The following MMP27 variants were observed in gnomAD, a reference collection of about 807,000 sequenced individuals.
MMP27 encodes matrix metalloproteinase-27.
MMP27 carries 51 observed loss-of-function variants against 48.1 expected under a neutral mutation model. That is an observed-to-expected ratio of 1.06 (90% CI 0.85 to 1.34). The LOEUF is 1.34. MMP27 is among the 40% of genes most tolerant of loss of function. The probability of loss-of-function intolerance (pLI) is 0.00; values close to 1 mark genes in which losing one functional copy is unlikely to be tolerated. For missense variants in MMP27, 698 were observed against 619.3 expected (o/e 1.13, Z -1.35); for synonymous variants, 229 against 208.9 (o/e 1.10, Z -0.83).
chr11:102,694,490 G>C (rs1860786804), intron 7 of MMP27, among the ~76,000 whole-genome samples: 1 of 152,084 alleles, frequency 6.6e-6, no homozygotes, highest in South Asian at 2.1e-4. Flanking sequence ...CTAGTAATCT[G>C]ATAAGATCAT....
intron 5 of MMP27, 35 bp from the exon 6 acceptor site, chr11:102,696,526 G>A (rs1316301926): frequency 3.1e-6 from 5 of 1,609,980 alleles, no homozygotes; most frequent in Non-Finnish European, 4.2e-6. Flanking sequence ...AATGAATTAA[G>A]AGGGCATGAA....
intron 7 of MMP27, among the ~76,000 whole-genome samples, 192 bp from the exon 8 acceptor site, chr11:102,694,257 TA>T (rs1860780760): frequency 6.6e-6 from 1 of 152,240 alleles, no homozygotes; most frequent in Non-Finnish European, 1.5e-5. Flanking sequence ...TATATACCTG[TA>T]AAAGTCAATA....
chr11:102,696,551 C>T, intron 5 of MMP27, 60 bp from the exon 6 acceptor site: 1 of 1,599,642 alleles, frequency 6.3e-7, no homozygotes, highest in Non-Finnish European at 8.5e-7. Context: ...TATGCCTACA[C>T]AAGGGTCTTA....
At chr11:102,693,759 T>C in intron 8 of MMP27, 147 bp downstream of exon 8, 1 of 610,712 alleles carries the variant, frequency 1.6e-6, no homozygotes, top group Non-Finnish European at 2.5e-6. Context: ...CACTCTAGCC[T>C]GGGAGACAGA....
At position 102,704,779 on chromosome 11, in the gene MMP27, AC is replaced by A; in HGVS notation, c.103-5del. 6.4e-7 allele frequency: 1 copy of A among 1,556,684 alleles called. No individual in the cohort carries two copies. The highest frequency in any genetic ancestry group is 1.8e-5 in the Admixed American group (1 of 55,704). On this transcript the variant is annotated splice_polypyrimidine_tract_variant and splice_region_variant and intron_variant, in intron 1 of 9. Transcript: ENST00000260229. ...AGTAGAACTGGTTGAGATATGCCTG[AC>A]CAAAAAGATAAGAAAAAAAAAAAAG...
At chr11:102,705,422 C>T (rs1049621411) in intron 1 of MMP27, among the ~76,000 whole-genome samples, 191 bp downstream of exon 1, 1 of 152,272 alleles carries the variant, frequency 6.6e-6, no homozygotes, top group African/African-American at 2.4e-5. Context: ...TCCTTTCCCC[C>T]TCCCTGTGCC....
chr11:102,701,025 A>G (rs1860930278), intron 4 of MMP27, among the ~76,000 whole-genome samples: 1 of 152,222 alleles, frequency 6.6e-6, no homozygotes, highest in Non-Finnish European at 1.5e-5. Context: ...TAAAAATTGC[A>G]ATTTTGTTGG....
Position 102,696,670 on chromosome 11 carries a change from T to C in MMP27, c.781+4A>G, listed in dbSNP as rs2134266097. 2 of 1,597,086 alleles carry C rather than the reference T, an allele frequency of 1.3e-6. No individual in the cohort carries two copies. Among genetic ancestry groups the C allele is most frequent in the Non-Finnish European group, 1.7e-6 (2 of 1,175,682 alleles). On this transcript the variant is annotated splice_donor_region_variant and intron_variant, in intron 5 of 9. Transcript: ENST00000260229. ...CATATATTGAGATTTATAATTTTGCTCACCATAGATGGACTGGATTCCATT... is the reference window on the plus strand; with the variant it reads ...CATATATTGAGATTTATAATTTTGCCCACCATAGATGGACTGGATTCCATT...
chr11:102,695,615 T>A (rs1860810038), intron 6 of MMP27, among the ~76,000 whole-genome samples: 1 of 152,198 alleles, frequency 6.6e-6, no homozygotes, highest in Admixed American at 6.5e-5. Context: ...GGTGGGTAGC[T>A]CTTGGCCTCT....
intron 4 of MMP27, among the ~76,000 whole-genome samples, chr11:102,697,102 C>CA (rs1456590619): frequency 6.6e-6 from 1 of 152,204 alleles, no homozygotes; most frequent in African/African-American, 2.4e-5. Context: ...GCCCACTACA[C>CA]ACCAAGGTTA....
In MMP27 at chr11:102,702,745, A is replaced by G. The variant is rs1860965015; in HGVS notation, c.619+8T>C. ...TAAGATTTTGTTCATAAAGAAAATT[A>G]GACTCACCTGCTCCATCCTTGGTCC... is the stretch of plus-strand genomic sequence containing the variant. On this transcript the variant is annotated splice_region_variant and intron_variant, in intron 4 of 9. Transcript: ENST00000260229. The G allele has an allele frequency of 1.3e-6, 2 of 1,588,968 alleles. No individual in the cohort carries two copies. Among genetic ancestry groups the G allele is most frequent in the South Asian group, 1.2e-5 (1 of 86,230 alleles).
chr11:102,691,792 G>A lies in MMP27; in HGVS notation c.1516C>T (p.Leu506=). 6.2e-7 allele frequency: 1 copy of A among 1,600,374 alleles called. No homozygotes were observed. The highest frequency in any genetic ancestry group is 8.5e-7 in the Non-Finnish European group (1 of 1,171,114). ...SLFIFGIVHL[L]KNTSIYQ The stretch of plus-strand genomic sequence containing the variant: ...TATTGATAAATAGAAGTGTTTTTCA[G>A]CAAATGAACAATACCAAAAATAAAC... The change falls in exon 10 of 10, where the codon CTG becomes TTG. Residue 506 remains leucine (L), a synonymous_variant. Transcript: ENST00000260229.
At chr11:102,693,750 A>G (rs1225114112) in intron 8 of MMP27, among the ~76,000 whole-genome samples, 156 bp downstream of exon 8, 3 of 152,128 alleles carry the variant, frequency 2.0e-5, no homozygotes, top group Non-Finnish European at 4.4e-5. Flanking sequence ...GCAGCACTAC[A>G]CTCTAGCCTG....
Position 102,695,080 on chromosome 11 carries a change from T to C in MMP27, c.920A>G (p.Tyr307Cys), listed in dbSNP as rs1478290821. The C allele has an allele frequency of 1.2e-6, 2 of 1,613,944 alleles. No individual in the cohort carries two copies. The highest frequency in any genetic ancestry group is 8.5e-7 in the Non-Finnish European group (1 of 1,179,896). The part of the protein sequence containing the change: ...FFKGRHLWRI[Y>C]YDITDVEFEL... ...AAACTCAACATCCGTGATATCATAA[T>C]AGATCCTCCATAGGTGCCTGTGTTA... Residue 307 changes from tyrosine (Y) to cysteine (C), a missense_variant, in exon 7 of 10, where the codon TAT (tyrosine) becomes TGT (cysteine). Coordinates refer to ENST00000260229, the MANE Select transcript of MMP27 (RefSeq NM_022122.3).
At position 102,691,879 on chromosome 11, in the gene MMP27, T is replaced by C. The variant is rs35822551; in HGVS notation, c.1429A>G (p.Ile477Val). ...EPKNSSFGFD[I>V]NKEKAHSGGI... ...CCTGAATGTGCTTTTTCCTTGTTGA[T>C]ATCAAAACCAAATGAGGAGTTCTTT... The change falls in exon 10 of 10, where the codon ATC (isoleucine) becomes GTC (valine). Residue 477 changes from isoleucine (I) to valine (V), a missense_variant. By Grantham distance (29) the Ile-to-Val change is conservative. Transcript: ENST00000260229. The C allele has an allele frequency of 1.9e-5, 30 of 1,613,534 alleles. No homozygotes were observed. The highest frequency in any genetic ancestry group is 2.5e-5 in the Non-Finnish European group (29 of 1,179,790).
intron 2 of MMP27, among the ~76,000 whole-genome samples, chr11:102,703,791 T>C (rs1449242027): frequency 6.6e-6 from 1 of 152,246 alleles, no homozygotes; most frequent in African/African-American, 2.4e-5. Context: ...CCCAAAGTGC[T>C]GGGATTACAG....
At chr11:102,693,780 A>T in intron 8 of MMP27, 126 bp downstream of exon 8, 3 of 776,378 alleles carry the variant, frequency 3.9e-6, no homozygotes, top group Non-Finnish European at 5.6e-6. Flanking sequence ...GCAAGACTCC[A>T]TCTCAAAAAA....
chr11:102,694,176 A>G (rs1449178103), intron 7 of MMP27, 111 bp from the exon 8 acceptor site: 2 of 679,992 alleles, frequency 2.9e-6, no homozygotes, highest in African/African-American at 3.7e-5. Context: ...TTAGAGATTT[A>G]ATAATCTTAT....
At position 102,703,090 on chromosome 11, in the gene MMP27, G is replaced by C. The variant is rs117962999; in HGVS notation, c.370C>G (p.Arg124Gly). ...RIINYTPDMA[R>G]AAVDEAIQEG... ...TGGATAGCCTCATCCACAGCAGCTC[G>C]TGCCATATCCGGAGTATAGTTTATT... The change falls in exon 3 of 10, where the codon CGA becomes GGA. Residue 124 changes from arginine to glycine, a missense_variant. By Grantham distance (125) the Arg-to-Gly change is moderately radical. Transcript: ENST00000260229. 6.2e-6 allele frequency: 10 copies of C among 1,613,672 alleles called. No individual in the cohort carries two copies. The South Asian group carries it at 1.1e-4, about 18-fold the overall frequency.
Sources: gnomAD v4.1 joint callset for allele counts (sites outside exome capture counted in the v4.1 genomes callset) on GRCh38, gnomAD v4.1.1 for gene constraint, MANE v1.5 for transcripts, NCBI Gene and HGNC (gene_info 2026-07-23, HGNC 2026-07-21) for gene names.